Variants in ZNF133 observed in about 807,000 individuals in gnomAD.
ZNF133 encodes zinc finger protein 133 (clone pHZ-13).
A neutral mutation model predicts 54.9 loss-of-function variants in ZNF133; 26 were observed. The observed-to-expected ratio is 0.47, with a 90% CI of 0.35 to 0.66. The LOEUF (loss-of-function observed/expected upper bound fraction) is 0.66. ZNF133 is among the 30% of genes least tolerant of loss of function. The pLI is 0.01. For missense variants in ZNF133, 653 were observed against 820.8 expected (o/e 0.80, Z 2.50); for synonymous variants, 298 against 320.3 (o/e 0.93, Z 0.74).
intron 6 of ZNF133, chr20:18,313,175 C>G (rs1600569860): frequency 6.6e-6 from 1 of 152,200 alleles, no homozygotes; most frequent in Non-Finnish European, 1.5e-5. Context: ...TCTTCTAAGA[C>G]TAAATATTCC....
chr20:18,311,079 T>TAAGG (rs2045797761), intron 6 of ZNF133, among the ~76,000 whole-genome samples: 1 of 151,702 alleles, frequency 6.6e-6, no homozygotes, highest in Non-Finnish European at 1.5e-5. Flanking sequence ...CTCAGGAGGC[T>TAAGG]GAGACCAAGG....
Position 18,315,405 on chromosome 20 carries a change from A to C in ZNF133, c.554A>C (p.Glu185Ala), listed in dbSNP as rs977559114. 6.2e-7 allele frequency: 1 copy of C among 1,613,996 alleles called. No homozygotes were observed. The highest frequency in any genetic ancestry group is 1.3e-5 in the African/African-American group (1 of 74,932). ...TCTCGGAACGGCCTCAGAGGGGTGG[A>C]GTTAGAAGCCAGCCCAGCTCAGTCA... ...VSSRNGLRGV[E>A]LEASPAQSGN... The change falls in exon 7 of 7, where the codon GAG becomes GCG. Residue 185 changes from glutamate to alanine, a missense_variant. Around this residue, in one of 4 missense-constraint regions of ZNF133, gnomAD observed 227 missense variants for 233.9 expected, o/e 0.97. Coordinates refer to ENST00000425686, the MANE Select transcript of ZNF133 (RefSeq NM_001352452.2).
At chr20:18,295,869 G>A (rs1458650449) in intron 1 of ZNF133, among the ~76,000 whole-genome samples, 1 of 152,034 alleles carries the variant, frequency 6.6e-6, no homozygotes, top group Non-Finnish European at 1.5e-5. Flanking sequence ...TCACCATGTT[G>A]CCCAGGCTGG....
chr20:18,316,521 T>G lies in ZNF133; in HGVS notation c.1670T>G (p.Leu557Arg). 6.2e-7 allele frequency: 1 copy of G among 1,614,036 alleles called. No homozygotes were observed. ...EKPYMCRQCG[L>R]GFGNKSALIT... is the part of the protein sequence containing the mutation. The stretch of plus-strand genomic sequence containing the variant: ...CCCTACATGTGCAGGCAGTGTGGAC[T>G]GGGCTTTGGCAATAAGTCAGCTCTA... The change falls in exon 7 of 7, where the codon CTG (leucine) becomes CGG (arginine). Residue 557 changes from leucine (L) to arginine (R), a missense_variant. Leu to Arg is a moderately radical substitution (Grantham distance 102). Coordinates refer to ENST00000425686, the MANE Select transcript of ZNF133 (RefSeq NM_001352452.2).
chr20:18,306,465 G>A, intron 6 of ZNF133, 72 bp downstream of exon 6: 1 of 1,466,326 alleles, frequency 6.8e-7, no homozygotes, highest in Non-Finnish European at 9.4e-7. Flanking sequence ...AGGAGGCGTT[G>A]CTCAGGTGCT....
In ZNF133 at chr20:18,315,359, C is replaced by G. The variant is rs745476454; in HGVS notation, c.508C>G (p.Pro170Ala). ...GACTCTGGGAGCGTTCTCCAGGCCA[C>G]CCCAGAGGCAGCCAGTCAGCTCTCG... ...KRTLGAFSRP[P>A]QRQPVSSRNG... Residue 170 changes from proline (P) to alanine (A), a missense_variant, in exon 7 of 7, where the codon CCC (proline) becomes GCC (alanine). Transcript: ENST00000425686. 11 of 1,614,148 alleles carry G rather than the reference C, an allele frequency of 6.8e-6. No individual in the cohort carries two copies. The highest frequency in any genetic ancestry group is 9.3e-6 in the Non-Finnish European group (11 of 1,180,022).
At chr20:18,290,409 G>C (rs1043105280) in intron 1 of ZNF133, among the ~76,000 whole-genome samples, 18 of 151,978 alleles carry the variant, frequency 1.2e-4, no homozygotes, top group Non-Finnish European at 1.8e-4. Flanking sequence ...CTAGAGTTTT[G>C]GCAGCAAATC....
chr20:18,298,751 C>T (rs192334335), intron 3 of ZNF133, among the ~76,000 whole-genome samples: 6 of 152,204 alleles, frequency 3.9e-5, no homozygotes, highest in Admixed American at 2.0e-4. Flanking sequence ...ATTTAAGGAG[C>T]CAGAGTCTGT....
chr20:18,311,111 G>A (rs895610282), intron 6 of ZNF133, among the ~76,000 whole-genome samples: 2 of 152,128 alleles, frequency 1.3e-5, no homozygotes, highest in Admixed American at 6.5e-5. Context: ...CTTGAGGCCA[G>A]GAGTTCAAGA....
chr20:18,301,410 TAA>T (rs1393248825), intron 3 of ZNF133, among the ~76,000 whole-genome samples: 1 of 151,634 alleles, frequency 6.6e-6, no homozygotes, highest in Admixed American at 6.6e-5. Flanking sequence ...AAGGAAATAA[TAA>T]ACACTGGAGC....
chr20:18,292,810 A>G (rs1274176351), intron 1 of ZNF133, among the ~76,000 whole-genome samples: 2 of 152,252 alleles, frequency 1.3e-5, no homozygotes, highest in Non-Finnish European at 2.9e-5. Flanking sequence ...CATAATAAAT[A>G]CTTGCCAAAT....
chr20:18,316,417 T>G lies in ZNF133; in HGVS notation c.1566T>G (p.Tyr522Ter). 1 of 1,613,140 alleles carries G rather than the reference T, an allele frequency of 6.2e-7. No individual in the cohort carries two copies. Among genetic ancestry groups the G allele is most frequent in the Non-Finnish European group, 8.5e-7 (1 of 1,179,678 alleles). ...GGACGCACTCAGGGGAGAGGCCGTA[T>G]GTGTGCCGAGAGTGCGGGCGAGGCT... ...HQRTHSGERP[Y>*]VCRECGRGFS... The change falls in exon 7 of 7, where the codon TAT becomes TAG. Residue 522 changes from tyrosine to a stop codon, truncating the protein, a stop_gained. Transcript: ENST00000425686. LOFTEE classifies it high-confidence loss of function.
chr20:18,304,961 AG>A, intron 3 of ZNF133, 46 bp from the exon 4 acceptor site: 1 of 978,622 alleles, frequency 1.0e-6, no homozygotes, highest in Non-Finnish European at 1.2e-6. Flanking sequence ...TCCAAGACCA[AG>A]TTGCCATGCC....
chr20:18,305,820 T>C lies in ZNF133; in HGVS notation c.121+13T>C, dbSNP rs778666417. The C allele has an allele frequency of 2.4e-5, 38 of 1,597,826 alleles. No individual in the cohort carries two copies. The highest frequency in any genetic ancestry group is 2.9e-5 in the Non-Finnish European group (34 of 1,171,994). On this transcript the variant is annotated intron_variant, in intron 5 of 6. Transcript: ENST00000425686. The surrounding 1 kb of genome is among the most constrained non-coding windows in gnomAD (Gnocchi z 4.7). ...CTGGTCTCACTGGGTAAGCCTGATATCTGTTAGGATTCCCATTCTTATTGC... is the reference window on the plus strand; with the variant it reads ...CTGGTCTCACTGGGTAAGCCTGATACCTGTTAGGATTCCCATTCTTATTGC...
chr20:18,301,002 C>T (rs567468480), intron 3 of ZNF133, among the ~76,000 whole-genome samples: 17 of 152,194 alleles, frequency 1.1e-4, no homozygotes, highest in Admixed American at 3.3e-4. Context: ...ATAGAATACA[C>T]GTTCTTCTCA....
chr20:18,297,478 T>C (rs542741779), intron 1 of ZNF133, among the ~76,000 whole-genome samples: 1 of 152,152 alleles, frequency 6.6e-6, no homozygotes, highest in Non-Finnish European at 1.5e-5. Flanking sequence ...TGAAGATATT[T>C]AATGTAGCTT....
chr20:18,302,918 G>A (rs1031150438), intron 3 of ZNF133, among the ~76,000 whole-genome samples: 1 of 151,796 alleles, frequency 6.6e-6, no homozygotes, highest in African/African-American at 2.4e-5. Flanking sequence ...ATTTAAAATA[G>A]CATCAAAAAG....
chr20:18,293,018 C>T (rs1568725306), intron 1 of ZNF133, among the ~76,000 whole-genome samples: 1 of 152,186 alleles, frequency 6.6e-6, no homozygotes, highest in Non-Finnish European at 1.5e-5. Context: ...GAGAAGTAGT[C>T]ATGGGACTGA....
rs2047485447 is a variant in ZNF133, at chr20:18,316,381, T to C, written c.1530T>C (p.Val510=). The stretch of plus-strand genomic sequence containing the variant: ...GCTTCAGCCAGAAGTCAAACCTTGT[T>C]GCACACCAGAGGACGCACTCAGGGG... ...GRGFSQKSNL[V]AHQRTHSGER... is the part of the protein sequence containing the mutation. The change falls in exon 7 of 7, where the codon GTT becomes GTC. Residue 510 remains valine, a synonymous_variant. Transcript: ENST00000425686. 6.2e-7 allele frequency: 1 copy of C among 1,607,340 alleles called. No individual in the cohort carries two copies.
Sources: allele counts gnomAD v4.1 joint callset (sites outside exome capture counted in the v4.1 genomes callset), GRCh38; gene constraint gnomAD v4.1.1; regional missense constraint gnomAD v4.1.1; non-coding constraint Gnocchi (gnomAD v3.1); transcripts MANE v1.5; gene names NCBI Gene and HGNC (gene_info 2026-07-23, HGNC 2026-07-21).